Variants in PAFAH1B1 observed in about 807,000 individuals in gnomAD.
PAFAH1B1 encodes platelet-activating factor acetylhydrolase IB subunit beta.
Under a neutral mutation model 57.5 loss-of-function variants are expected in PAFAH1B1, and 2 were observed. The observed-to-expected ratio is 0.03, with a 90% CI of 0.01 to 0.11. PAFAH1B1 has a LOEUF of 0.11. Ranked by LOEUF, PAFAH1B1 falls within the 10% of genes least tolerant of loss-of-function variation. The pLI, the probability that PAFAH1B1 is intolerant of heterozygous loss-of-function variation, is 1.00. For synonymous variants in PAFAH1B1, 152 were observed against 169.6 expected (o/e 0.90, Z 0.81); for missense variants, 257 against 512.0 (o/e 0.50, Z 4.81).
intron 2 of PAFAH1B1, among the ~76,000 whole-genome samples, chr17:2,662,423 T>TGTGA (rs1032805011): frequency 4.2e-5 from 6 of 144,078 alleles, no homozygotes; most frequent in Admixed American, 7.0e-5. Flanking sequence ...TGTGTGTGTG[T>TGTGA]GACGGAGTTT....
chr17:2,683,057 AC>A lies in PAFAH1B1; in HGVS notation c.*1258del, dbSNP rs1255281277. On this transcript the variant is annotated 3_prime_UTR_variant, in exon 11 of 11. Coordinates refer to ENST00000397195, the MANE Select transcript of PAFAH1B1 (RefSeq NM_000430.4). ...TGTGGAATGCCATGCTTTAGAACAA[AC>A]CCTTTTTGATCTTAATGCTTCTGAA... 1 of 151,922 alleles carries A rather than the reference AC, an allele frequency of 6.6e-6. No homozygotes were observed. Among genetic ancestry groups the A allele is most frequent in the Non-Finnish European group, 1.5e-5 (1 of 67,948 alleles). 9.4% of individuals were successfully genotyped at this position (151,922 alleles called of 1,614,324 possible). A position where few individuals can be genotyped will look rare whatever the true frequency, so the allele number is the denominator to read the frequency against.
At chr17:2,632,072 C>T (rs962286458) in intron 1 of PAFAH1B1, among the ~76,000 whole-genome samples, 1 of 152,050 alleles carries the variant, frequency 6.6e-6, no homozygotes, top group Non-Finnish European at 1.5e-5. Context: ...TATTTTACTT[C>T]GATTTGATGT....
At chr17:2,675,633 A>AC (rs2069251521) in intron 8 of PAFAH1B1, among the ~76,000 whole-genome samples, 4 of 119,106 alleles carry the variant, frequency 3.4e-5, no homozygotes, top group Admixed American at 1.0e-4. Flanking sequence ...TCTACAGAAA[A>AC]CTTTTTTTTT....
intron 2 of PAFAH1B1, among the ~76,000 whole-genome samples, chr17:2,660,356 G>A (rs1426694265): frequency 6.6e-6 from 1 of 151,870 alleles, no homozygotes; most frequent in Non-Finnish European, 1.5e-5. Context: ...TAGGTTTTAA[G>A]CTCCACACGC....
rs560816720 is a variant in PAFAH1B1, at chr17:2,606,161, T to A, written c.-191+12155T>A. On this transcript the variant is annotated intron_variant, in intron 1 of 10. Coordinates refer to ENST00000397195, the MANE Select transcript of PAFAH1B1 (RefSeq NM_000430.4). ...AATAGGCTTAGGAAATTTGTAGATT[T>A]CCCCAAGGTCACACAGTTTGTAAGG... Among the ~76,000 whole-genome samples, 5 of 152,214 alleles carry A rather than the reference T, an allele frequency of 3.3e-5. No homozygotes were observed. In the South Asian group the frequency reaches 8.3e-4, roughly 25 times the overall value.
At chr17:2,597,259 G>A (rs539513341) in intron 1 of PAFAH1B1, among the ~76,000 whole-genome samples, 1 of 152,154 alleles carries the variant, frequency 6.6e-6, no homozygotes, top group Admixed American at 6.5e-5. Flanking sequence ...AACTCTTAAT[G>A]AGATTGGAAG....
At chr17:2,664,665 G>GCGCGCTCGCTCT in intron 2 of PAFAH1B1, among the ~76,000 whole-genome samples, 1 of 86,028 alleles carries the variant, frequency 1.2e-5, no homozygotes, top group Non-Finnish European at 2.6e-5. Flanking sequence ...TCTATCTATC[G>GCGCGCTCGCTCT]CTCTCTCTCT....
At position 2,683,069 on chromosome 17, in the gene PAFAH1B1, C is replaced by A. The variant is rs945684042; in HGVS notation, c.*1267C>A. On this transcript the variant is annotated 3_prime_UTR_variant, in exon 11 of 11. Coordinates refer to ENST00000397195, the MANE Select transcript of PAFAH1B1 (RefSeq NM_000430.4). ...TGCTTTAGAACAAACCCTTTTTGAT[C>A]TTAATGCTTCTGAAAACTAGGTCTG... 1 of 152,198 alleles carries A rather than the reference C, an allele frequency of 6.6e-6. No individual in the cohort carries two copies. Among genetic ancestry groups the A allele is most frequent in the Non-Finnish European group, 1.5e-5 (1 of 68,022 alleles). The allele number at this position is 152,198 out of a possible 1,614,324, so 9.4% of individuals were successfully genotyped here.
intron 1 of PAFAH1B1, among the ~76,000 whole-genome samples, chr17:2,630,560 CTT>C: frequency 6.6e-6 from 1 of 152,182 alleles, no homozygotes; most frequent in South Asian, 2.1e-4. Flanking sequence ...TTTGTCTTAA[CTT>C]TGGATAACCT....
chr17:2,595,272 T>C (rs1247597588), intron 1 of PAFAH1B1, among the ~76,000 whole-genome samples: 1 of 152,172 alleles, frequency 6.6e-6, no homozygotes, highest in Non-Finnish European at 1.5e-5. Flanking sequence ...AAACAAACAA[T>C]TTGTGCCATT....
intron 2 of PAFAH1B1, among the ~76,000 whole-genome samples, chr17:2,661,266 G>A (rs1270478376): frequency 6.6e-6 from 1 of 152,040 alleles, no homozygotes; most frequent in Non-Finnish European, 1.5e-5. Context: ...TATTGCCTAG[G>A]TTTTCTTCTA....
chr17:2,612,589 G>A (rs1431590545), intron 1 of PAFAH1B1, among the ~76,000 whole-genome samples: 2 of 151,864 alleles, frequency 1.3e-5, no homozygotes, highest in Non-Finnish European at 2.9e-5. Flanking sequence ...AAGAGGGTTC[G>A]CCAACTATAG....
chr17:2,597,072 C>CA (rs2068091025), intron 1 of PAFAH1B1, among the ~76,000 whole-genome samples: 1 of 151,980 alleles, frequency 6.6e-6, no homozygotes, highest in African/African-American at 2.4e-5. Flanking sequence ...AACAAACAAA[C>CA]AAAACCCCAC....
chr17:2,664,702 C>CT (rs1597567320), intron 2 of PAFAH1B1, among the ~76,000 whole-genome samples: 3 of 144,388 alleles, frequency 2.1e-5, no homozygotes, highest in East Asian at 2.0e-4. Context: ...CTTTCTCTCT[C>CT]CATCTATAAA....
intron 2 of PAFAH1B1, among the ~76,000 whole-genome samples, chr17:2,654,308 A>C (rs952943310): frequency 6.8e-6 from 1 of 148,040 alleles, no homozygotes; most frequent in Non-Finnish European, 1.5e-5. Flanking sequence ...TCCTGCCTCA[A>C]CCTCCTGAAT....
intron 1 of PAFAH1B1, among the ~76,000 whole-genome samples, chr17:2,621,605 GTCTTTTTTTTTTTTTTTTTTTTTT>G (rs2068422970): frequency 1.1e-5 from 1 of 93,208 alleles, no homozygotes; most frequent in Non-Finnish European, 2.0e-5. Context: ...TAGATAATCT[GTCTTTTTTTTTTTTTTTTTTTTTT>G]TTTTTTTTTT....
At chr17:2,652,684 A>T (rs1218776189) in intron 2 of PAFAH1B1, among the ~76,000 whole-genome samples, 2 of 152,212 alleles carry the variant, frequency 1.3e-5, no homozygotes, top group Admixed American at 6.6e-5. Context: ...AATGTACTAT[A>T]GCTGCACATG....
At chr17:2,618,602 T>G (rs1256387227) in intron 1 of PAFAH1B1, among the ~76,000 whole-genome samples, 1 of 152,100 alleles carries the variant, frequency 6.6e-6, no homozygotes, top group Non-Finnish European at 1.5e-5. Flanking sequence ...ATTATTTGAC[T>G]GCATTATAGT....
intron 1 of PAFAH1B1, among the ~76,000 whole-genome samples, chr17:2,633,823 C>CT (rs1237581420): frequency 3.3e-5 from 5 of 152,042 alleles, no homozygotes; most frequent in African/African-American, 1.2e-4. Flanking sequence ...TCCTCTTTTT[C>CT]TTTTACCTCT....
Sources: allele counts gnomAD v4.1 joint callset (sites outside exome capture counted in the v4.1 genomes callset), GRCh38; gene constraint gnomAD v4.1.1; transcripts MANE v1.5; gene names NCBI Gene and HGNC (gene_info 2026-07-23, HGNC 2026-07-21).